Variants in KCTD20 observed in about 807,000 individuals in gnomAD.
KCTD20 encodes the protein BTB/POZ domain-containing protein KCTD20.
In KCTD20, 30 loss-of-function variants were observed where a neutral mutation model predicts 39.6. That is an observed-to-expected ratio of 0.76 (90% CI 0.57 to 1.03). The LOEUF (loss-of-function observed/expected upper bound fraction) is 1.03. Ranked by LOEUF, KCTD20 falls within the 50% of genes least tolerant of loss-of-function variation. The pLI is 0.00. For synonymous variants in KCTD20, 162 were observed against 180.6 expected, an observed-to-expected ratio of 0.90 and a Z score of 0.83; for missense variants, 422 against 522.0, an observed-to-expected ratio of 0.81 and a Z score of 1.87.
intron 7 of KCTD20, 92 bp from the exon 8 acceptor site, chr6:36,486,791 G>T: frequency 9.8e-7 from 1 of 1,018,148 alleles, no homozygotes; most frequent in Non-Finnish European, 1.5e-6. Context: ...CTGTGATTTT[G>T]GGAGAAAACT....
At chr6:36,478,354 T>C (rs1403365174) in intron 3 of KCTD20, among the ~76,000 whole-genome samples, 1 of 152,150 alleles carries the variant, frequency 6.6e-6, no homozygotes, top group African/African-American at 2.4e-5. Context: ...AGGGATCTGA[T>C]AGAGGGAGGA....
At position 36,475,042 on chromosome 6, in the gene KCTD20, T is replaced by C. The variant is rs747673504; in HGVS notation, c.414T>C (p.His138=). 1.2e-6 allele frequency: 2 copies of C among 1,613,934 alleles called. No individual in the cohort carries two copies. Among genetic ancestry groups the C allele is most frequent in the East Asian group, 4.5e-5 (2 of 44,886 alleles). Residue 138 remains histidine, a synonymous_variant, in exon 3 of 8, where the codon CAT becomes CAC. Transcript: ENST00000373731. The part of the protein sequence containing the change: ...FVVNPQIFTA[H]PDTMLGRMFG... ...TGAATCCACAGATTTTCACTGCTCATCCGGATACCATGCTGGGAAGGTAAC... is the reference window on the plus strand; with the variant it reads ...TGAATCCACAGATTTTCACTGCTCACCCGGATACCATGCTGGGAAGGTAAC...
At chr6:36,468,176 G>A (rs1775815391) in intron 1 of KCTD20, among the ~76,000 whole-genome samples, 1 of 152,142 alleles carries the variant, frequency 6.6e-6, no homozygotes, top group South Asian at 2.1e-4. Context: ...TGCTGAGAAA[G>A]TTACTTTATT....
At chr6:36,447,577 C>T (rs1775084641) in intron 1 of KCTD20, among the ~76,000 whole-genome samples, 1 of 151,736 alleles carries the variant, frequency 6.6e-6, no homozygotes, top group African/African-American at 2.4e-5. Flanking sequence ...TTTCAGTGAG[C>T]CAAGATCGCA....
intron 1 of KCTD20, among the ~76,000 whole-genome samples, chr6:36,458,356 T>C (rs993340357): frequency 1.3e-5 from 2 of 151,270 alleles, no homozygotes; most frequent in Admixed American, 1.3e-4. Context: ...CTGACCAACA[T>C]GGAGAAACCC....
chr6:36,479,474 A>G, intron 4 of KCTD20, 117 bp from the exon 5 acceptor site: 4 of 953,698 alleles, frequency 4.2e-6, no homozygotes, highest in Admixed American at 2.5e-5. Flanking sequence ...GAATCATCCA[A>G]TTTGGTGATA....
intron 6 of KCTD20, among the ~76,000 whole-genome samples, chr6:36,482,727 C>T (rs1185622623): frequency 6.6e-6 from 1 of 152,072 alleles, no homozygotes; most frequent in Non-Finnish European, 1.5e-5. Flanking sequence ...GGGCTGATTG[C>T]TTGAGGTCAA....
intron 1 of KCTD20, chr6:36,451,281 C>A (rs1775245727): frequency 6.6e-6 from 1 of 152,244 alleles, no homozygotes; most frequent in South Asian, 2.1e-4. Flanking sequence ...TTTAGAGATA[C>A]ATTTTCATTT....
chr6:36,445,245 G>T (rs948130805), intron 1 of KCTD20, among the ~76,000 whole-genome samples: 2 of 131,634 alleles, frequency 1.5e-5, no homozygotes, highest in African/African-American at 5.8e-5. Context: ...CTGGGCAACA[G>T]AGTGAGACTC....
In KCTD20 at chr6:36,470,137, C is replaced by T. The variant is rs534162644; in HGVS notation, c.40C>T (p.Arg14Trp). The change falls in exon 2 of 8, where the codon CGG becomes TGG. Residue 14 changes from arginine (R) to tryptophan (W), a missense_variant. Transcript: ENST00000373731. ...HRGSDSDRLL[R>W]QEASCLVDDT... ...TGGCAGTGACAGTGACAGGTTATTG[C>T]GGCAGGAGGCCAGCTGCTTAGTGGA... 1.3e-4 allele frequency: 210 copies of T among 1,613,650 alleles called. 1 individual carries two copies. The highest frequency in any genetic ancestry group is 8.3e-4 in the Middle Eastern group (5 of 6,060).
chr6:36,477,788 TG>T (rs1776112625), intron 3 of KCTD20, among the ~76,000 whole-genome samples: 3 of 138,196 alleles, frequency 2.2e-5, no homozygotes, highest in Non-Finnish European at 3.1e-5. Flanking sequence ...CCGGCCGAAA[TG>T]GAATCATTTT....
At chr6:36,446,821 G>A (rs992640827) in intron 1 of KCTD20, among the ~76,000 whole-genome samples, 2 of 152,190 alleles carry the variant, frequency 1.3e-5, no homozygotes, top group African/African-American at 2.4e-5. Flanking sequence ...ATTAAACACT[G>A]TAGGATTGAT....
chr6:36,479,254 T>G, intron 4 of KCTD20, 31 bp downstream of exon 4: 8 of 1,460,260 alleles, frequency 5.5e-6, no homozygotes, highest in South Asian at 1.2e-5. Context: ...TTACATTCTC[T>G]TCCTCAGGGG....
Position 36,484,735 on chromosome 6 carries a change from A to G in KCTD20, c.878A>G (p.Tyr293Cys). 1 of 1,595,488 alleles carries G rather than the reference A, an allele frequency of 6.3e-7. No individual in the cohort carries two copies. The highest frequency in any genetic ancestry group is 8.6e-7 in the Non-Finnish European group (1 of 1,166,710). ...YSQILYSSKLYRFFKYIENRD... is the reference protein window; with the variant it reads ...YSQILYSSKLCRFFKYIENRD... The stretch of plus-strand genomic sequence containing the variant: ...TCAGTTCTTTATAGCTCCAAGCTCT[A>G]CAGATTCTTCAAATATATTGAGAAT... The change falls in exon 7 of 8, where the codon TAC (tyrosine) becomes TGC (cysteine). Residue 293 changes from tyrosine to cysteine, a missense_variant. Physicochemically the swap from Tyr to Cys is radical, Grantham distance 194 (BLOSUM62 -2). Transcript: ENST00000373731.
intron 1 of KCTD20, among the ~76,000 whole-genome samples, chr6:36,451,876 T>A (rs1582304659): frequency 6.6e-6 from 1 of 152,308 alleles, no homozygotes; most frequent in South Asian, 2.1e-4. Flanking sequence ...AGTAGTGCAG[T>A]CTCAGCTCAC....
At chr6:36,452,682 T>C (rs1775295573) in intron 1 of KCTD20, 1 of 151,650 alleles carries the variant, frequency 6.6e-6, no homozygotes, top group African/African-American at 2.4e-5. Context: ...GGACTACAGG[T>C]GTACACCATG....
intron 1 of KCTD20, among the ~76,000 whole-genome samples, chr6:36,460,471 T>C (rs1582323172): frequency 6.6e-6 from 1 of 152,170 alleles, no homozygotes; most frequent in South Asian, 2.1e-4. Context: ...ACCCAGCTAA[T>C]TTTTTGTATT....
At chr6:36,479,383 C>A (rs1021735518) in intron 4 of KCTD20, among the ~76,000 whole-genome samples, 160 bp downstream of exon 4, 1 of 152,006 alleles carries the variant, frequency 6.6e-6, no homozygotes, top group African/African-American at 2.4e-5. Flanking sequence ...TAAGTCCTTG[C>A]TTGTTTGTAT....
chr6:36,461,274 A>G (rs537427730), intron 1 of KCTD20, among the ~76,000 whole-genome samples: 1 of 152,330 alleles, frequency 6.6e-6, no homozygotes, highest in South Asian at 2.1e-4. Flanking sequence ...TACTATACTT[A>G]TAAGTTTAAT....
Sources: allele counts gnomAD v4.1 joint callset (sites outside exome capture counted in the v4.1 genomes callset), GRCh38; gene constraint gnomAD v4.1.1; transcripts MANE v1.5; gene names NCBI Gene and HGNC (gene_info 2026-07-23, HGNC 2026-07-21).